Variants in FOCAD observed in about 807,000 individuals in gnomAD.
FOCAD encodes KIAA1797.
In FOCAD, 198 loss-of-function variants were observed where a neutral mutation model predicts 225.6. That is an observed-to-expected ratio of 0.88 (90% CI 0.78 to 0.99). The LOEUF (loss-of-function observed/expected upper bound fraction) is 0.99, where lower values mean the gene tolerates loss of function less well. Ranked by LOEUF, FOCAD falls within the 50% of genes least tolerant of loss-of-function variation. The pLI is 0.00. For synonymous variants in FOCAD, 897 were observed against 755.0 expected (o/e 1.19, Z -3.08); for missense variants, 2,713 against 2,123.6 (o/e 1.28, Z -5.46).
intron 5 of FOCAD, among the ~76,000 whole-genome samples, chr9:20,753,679 T>C (rs1295045896): frequency 1.3e-5 from 2 of 152,176 alleles, no homozygotes; most frequent in African/African-American, 4.8e-5. Context: ...CCTCATAAAA[T>C]GAGTTAGGGA....
chr9:20,968,431 C>CTTTTTTTTTTTTTTTTTTTTTT (rs35624897), intron 35 of FOCAD, among the ~76,000 whole-genome samples: 2 of 43,634 alleles, frequency 4.6e-5, no homozygotes, highest in Non-Finnish European at 7.9e-5. Flanking sequence ...TTTTCTTATT[C>CTTTTTTTTTTTTTTTTTTTTTT]TTTTTTTTTT....
intron 1 of FOCAD, among the ~76,000 whole-genome samples, chr9:20,708,595 C>A (rs1824577654): frequency 6.6e-6 from 1 of 151,824 alleles, no homozygotes; most frequent in African/African-American, 2.4e-5. Context: ...CAGAGGGAGT[C>A]CCCGTTGCTA....
chr9:20,856,268 C>T (rs1828172961), intron 15 of FOCAD, among the ~76,000 whole-genome samples: 1 of 151,784 alleles, frequency 6.6e-6, no homozygotes, highest in East Asian at 1.9e-4. Flanking sequence ...TCATTATTGC[C>T]CGTCATTTGG....
At chr9:20,771,155 A>G (rs1254418924) in intron 8 of FOCAD, among the ~76,000 whole-genome samples, 1 of 152,198 alleles carries the variant, frequency 6.6e-6, no homozygotes, top group African/African-American at 2.4e-5. Context: ...GCCCAAATAG[A>G]GAGACATGAA....
intron 2 of FOCAD, among the ~76,000 whole-genome samples, chr9:20,665,124 C>A (rs551571622): frequency 6.6e-6 from 1 of 152,086 alleles, no homozygotes; most frequent in South Asian, 2.1e-4. Context: ...TTGTTAATGG[C>A]TTAATAGAGC....
intron 21 of FOCAD, chr9:20,897,067 T>C (rs1587540267): frequency 6.6e-6 from 1 of 151,898 alleles, no homozygotes; most frequent in Non-Finnish European, 1.5e-5. Context: ...TTATATATTT[T>C]GATGCTTTGT....
chr9:20,916,935 A>T lies in FOCAD; in HGVS notation c.2850A>T (p.Ala950=). 3 of 1,602,326 alleles carry T rather than the reference A, an allele frequency of 1.9e-6. No homozygotes were observed. Among genetic ancestry groups the T allele is most frequent in the Non-Finnish European group, 2.6e-6 (3 of 1,175,364 alleles). The change falls in exon 24 of 44, where the codon GCA becomes GCT. Residue 950 remains alanine (A), a splice_region_variant and synonymous_variant. Coordinates refer to ENST00000338382, the MANE Select transcript of FOCAD (RefSeq NM_001375567.1). ...CTGATGAGATCACCAAGGCAGCTGC[A>T]AAGTAAGATCCATTTAGTCTTTTAT... ...MLTDEITKAA[A]KESPVVKGNA...
chr9:20,712,083 A>G (rs1291075813), intron 1 of FOCAD, among the ~76,000 whole-genome samples: 2 of 152,208 alleles, frequency 1.3e-5, no homozygotes, highest in East Asian at 1.9e-4. Context: ...ATGTTCTTTA[A>G]TAATATGCAA....
chr9:20,871,851 A>G (rs1229038161), intron 18 of FOCAD, among the ~76,000 whole-genome samples: 2 of 150,340 alleles, frequency 1.3e-5, no homozygotes, highest in Non-Finnish European at 3.0e-5. Context: ...TGGCACATGT[A>G]TACATATGTA....
At chr9:20,720,174 G>A (rs769879028) in intron 3 of FOCAD, among the ~76,000 whole-genome samples, 2 of 152,146 alleles carry the variant, frequency 1.3e-5, no homozygotes, top group Non-Finnish European at 2.9e-5. Flanking sequence ...CCAGGTGAGA[G>A]AGAGTTGCTG....
chr9:20,923,632 CTG>C, intron 24 of FOCAD, 26 bp from the exon 25 acceptor site: 1 of 1,579,868 alleles, frequency 6.3e-7, no homozygotes, highest in Non-Finnish European at 8.7e-7. Flanking sequence ...CCAAAGTTCT[CTG>C]TTGAAATTTT....
intron 35 of FOCAD, among the ~76,000 whole-genome samples, chr9:20,956,675 CAT>C (rs1838162040): frequency 6.6e-6 from 1 of 152,070 alleles, no homozygotes; most frequent in African/African-American, 2.4e-5. Context: ...TTGTCAATAG[CAT>C]ATGTTTTTGG....
chr9:20,792,084 C>CT (rs1820596969), intron 11 of FOCAD, among the ~76,000 whole-genome samples: 1 of 152,112 alleles, frequency 6.6e-6, no homozygotes, highest in African/African-American at 2.4e-5. Context: ...TTAACAGTAT[C>CT]TTATAAATAT....
intron 35 of FOCAD, among the ~76,000 whole-genome samples, chr9:20,970,317 A>C (rs1839653873): frequency 6.6e-6 from 1 of 151,880 alleles, no homozygotes; most frequent in East Asian, 1.9e-4. Context: ...TATCCTTCTG[A>C]GATTCCTGTT....
At chr9:20,815,254 C>T (rs1823600258) in intron 11 of FOCAD, among the ~76,000 whole-genome samples, 1 of 149,058 alleles carries the variant, frequency 6.7e-6, no homozygotes, top group African/African-American at 2.5e-5. Flanking sequence ...ATGCCTCAGC[C>T]TCCTAAGTAG....
At chr9:20,963,361 C>G (rs1049503675) in intron 35 of FOCAD, among the ~76,000 whole-genome samples, 1 of 152,170 alleles carries the variant, frequency 6.6e-6, no homozygotes, top group African/African-American at 2.4e-5. Flanking sequence ...AGCTCATTAT[C>G]TTAAGAATAA....
At chr9:20,941,651 CATA>C in intron 28 of FOCAD, among the ~76,000 whole-genome samples, 1 of 152,274 alleles carries the variant, frequency 6.6e-6, no homozygotes, top group Non-Finnish European at 1.5e-5. Flanking sequence ...TAAGTAATGA[CATA>C]ATAGTGTATG....
chr9:20,884,858 G>C (rs1830977691), intron 20 of FOCAD, among the ~76,000 whole-genome samples: 1 of 151,774 alleles, frequency 6.6e-6, no homozygotes, highest in Non-Finnish European at 1.5e-5. Context: ...TCAGCAGTTA[G>C]AGACCAGCCT....
At chr9:20,710,675 C>A (rs941564134) in intron 1 of FOCAD, among the ~76,000 whole-genome samples, 3 of 151,646 alleles carry the variant, frequency 2.0e-5, no homozygotes, top group African/African-American at 7.3e-5. Flanking sequence ...CTCTATATTC[C>A]ATTTATAAAG....
Sources: gnomAD v4.1 joint callset for allele counts (sites outside exome capture counted in the v4.1 genomes callset) on GRCh38, gnomAD v4.1.1 for gene constraint, MANE v1.5 for transcripts, NCBI Gene and HGNC (gene_info 2026-07-23, HGNC 2026-07-21) for gene names.